Variants in KCNAB1 observed in about 807,000 individuals in gnomAD.
The protein encoded by KCNAB1 is potassium voltage-gated channel subfamily A regulatory beta subunit 1, also known as voltage-gated potassium channel subunit beta-1.
Under a neutral mutation model 64.6 loss-of-function variants are expected in KCNAB1, and 35 were observed. The ratio of observed to expected loss-of-function variants is 0.54; its 90% CI spans 0.41 to 0.72. The LOEUF is 0.72. Ranked by LOEUF, KCNAB1 falls within the 30% of genes least tolerant of loss-of-function variation. The pLI is 0.00. For synonymous variants in KCNAB1, 177 were observed against 183.8 expected (o/e 0.96, Z 0.30); for missense variants, 401 against 512.9 (o/e 0.78, Z 2.11).
intron 1 of KCNAB1, among the ~76,000 whole-genome samples, chr3:156,203,572 C>T (rs547705738): frequency 3.9e-5 from 6 of 152,278 alleles, no homozygotes; most frequent in Non-Finnish European, 7.4e-5. Context: ...AATACGTTAA[C>T]ACATGTTCAA....
In KCNAB1 at chr3:156,519,733, G is replaced by A. The variant is rs1048679317; in HGVS notation, c.960+3369G>A. 3.9e-5 allele frequency among the ~76,000 whole-genome samples: 6 copies of A among 152,280 alleles called. 1 individual carries two copies. The South Asian group carries it at 8.3e-4, about 21-fold the overall frequency. On this transcript the variant is annotated intron_variant, in intron 11 of 13. Coordinates refer to ENST00000490337, the MANE Select transcript of KCNAB1 (RefSeq NM_172160.3). ...CTTCTCTATTTCTCTCTACATGTGG[G>A]TGTCATTTTCTTCTACTATAAATGA...
intron 1 of KCNAB1, among the ~76,000 whole-genome samples, chr3:156,183,213 G>A (rs1457860439): frequency 6.6e-6 from 1 of 152,072 alleles, no homozygotes; most frequent in Non-Finnish European, 1.5e-5. Flanking sequence ...AACCCCGGGA[G>A]GGAGACAAGG....
intron 1 of KCNAB1, among the ~76,000 whole-genome samples, chr3:156,140,594 G>A (rs1253505440): frequency 6.6e-6 from 1 of 152,084 alleles, no homozygotes; most frequent in African/African-American, 2.4e-5. Flanking sequence ...TCATCACACT[G>A]GGGGTTAAGA....
At chr3:156,428,938 C>G (rs1716023904) in intron 2 of KCNAB1, among the ~76,000 whole-genome samples, 1 of 152,170 alleles carries the variant, frequency 6.6e-6, no homozygotes, top group South Asian at 2.1e-4. Flanking sequence ...TGTTCTGTGT[C>G]CTTTTAGGCA....
chr3:156,171,220 C>CACACACACACACAT (rs1553812736), intron 1 of KCNAB1, among the ~76,000 whole-genome samples: 2 of 151,848 alleles, frequency 1.3e-5, no homozygotes, highest in Admixed American at 6.6e-5. Context: ...CACACACACA[C>CACACACACACACAT]ACACACTGAA....
At chr3:156,199,339 A>T (rs991106860) in intron 1 of KCNAB1, among the ~76,000 whole-genome samples, 12 of 152,004 alleles carry the variant, frequency 7.9e-5, no homozygotes, top group African/African-American at 2.2e-4. Context: ...TGTTCTCTGT[A>T]TTTCCTGAAT....
intron 1 of KCNAB1, among the ~76,000 whole-genome samples, chr3:156,226,370 T>C (rs1716166530): frequency 6.6e-6 from 1 of 151,924 alleles, no homozygotes; most frequent in Non-Finnish European, 1.5e-5. Context: ...TGTAGAAGAA[T>C]GAAACTAGAT....
intron 1 of KCNAB1, among the ~76,000 whole-genome samples, chr3:156,388,244 T>TA (rs1376064155): frequency 2.0e-5 from 3 of 152,176 alleles, no homozygotes; most frequent in African/African-American, 4.8e-5. Context: ...GCTAATCCTA[T>TA]AAAAAATTTG....
chr3:156,279,573 A>G (rs1433731710), intron 1 of KCNAB1, among the ~76,000 whole-genome samples: 35 of 151,952 alleles, frequency 2.3e-4, no homozygotes, highest in African/African-American at 7.9e-4. Flanking sequence ...ACTAGTTTAC[A>G]GTCCCACCAA....
chr3:156,240,830 C>T (rs953220395), intron 1 of KCNAB1, among the ~76,000 whole-genome samples: 2 of 152,142 alleles, frequency 1.3e-5, no homozygotes, highest in African/African-American at 4.8e-5. Flanking sequence ...TTGGGAGGCA[C>T]AGGAAACACC....
intron 1 of KCNAB1, chr3:156,176,645 C>T (rs943412257): frequency 1.3e-5 from 13 of 1,033,814 alleles, no homozygotes; most frequent in Admixed American, 6.7e-5. Context: ...CAATATCAGT[C>T]GGTCAAATCC....
At chr3:156,355,482 AG>A (rs1488679159) in intron 1 of KCNAB1, among the ~76,000 whole-genome samples, 1 of 152,186 alleles carries the variant, frequency 6.6e-6, no homozygotes, top group East Asian at 1.9e-4. Flanking sequence ...AAAACAAAAA[AG>A]TTAGCCCTGC....
At chr3:156,361,812 C>G (rs1467127714) in intron 1 of KCNAB1, among the ~76,000 whole-genome samples, 1 of 152,098 alleles carries the variant, frequency 6.6e-6, no homozygotes, top group Admixed American at 6.5e-5. Context: ...GCTCATGCCA[C>G]CACACCCAGC....
chr3:156,450,869 C>G (rs1279108292), intron 2 of KCNAB1, among the ~76,000 whole-genome samples: 2 of 151,086 alleles, frequency 1.3e-5, no homozygotes, highest in Non-Finnish European at 3.0e-5. Context: ...ACCCACCCCC[C>G]CCCAAAAAAA....
chr3:156,379,155 C>T (rs763264322), intron 1 of KCNAB1, among the ~76,000 whole-genome samples: 4 of 152,190 alleles, frequency 2.6e-5, no homozygotes, highest in Non-Finnish European at 4.4e-5. Context: ...AGGCAGGTGA[C>T]GATCCCGCTG....
At chr3:156,413,599 G>A (rs144265028) in intron 1 of KCNAB1, among the ~76,000 whole-genome samples, 1 of 152,218 alleles carries the variant, frequency 6.6e-6, no homozygotes, top group Non-Finnish European at 1.5e-5. Context: ...GTAAGTGATA[G>A]AGGCACTGCC....
chr3:156,420,823 A>G (rs1218065729), intron 1 of KCNAB1, among the ~76,000 whole-genome samples: 1 of 152,314 alleles, frequency 6.6e-6, no homozygotes, highest in East Asian at 1.9e-4. Context: ...AATGCATACT[A>G]GAGCTCCTAG....
intron 1 of KCNAB1, among the ~76,000 whole-genome samples, chr3:156,329,191 C>G (rs2108041203): frequency 6.6e-6 from 1 of 152,218 alleles, no homozygotes; most frequent in South Asian, 2.1e-4. Context: ...GTCAAAATAT[C>G]AAGAGGCAGG....
intron 12 of KCNAB1, among the ~76,000 whole-genome samples, chr3:156,527,204 C>T (rs541247150): frequency 2.1e-4 from 32 of 152,280 alleles, no homozygotes; most frequent in African/African-American, 6.7e-4. Flanking sequence ...CTTTAACAAG[C>T]ACAGTAAAAC....
Sources: allele counts gnomAD v4.1 joint callset (sites outside exome capture counted in the v4.1 genomes callset), GRCh38; gene constraint gnomAD v4.1.1; transcripts MANE v1.5; gene names NCBI Gene and HGNC (gene_info 2026-07-23, HGNC 2026-07-21).